Variants in DOP1B observed in about 807,000 individuals in gnomAD.
DOP1B encodes DOP1 leucine zipper like protein B.
A neutral mutation model predicts 233.5 loss-of-function variants in DOP1B; 174 were observed. The ratio of observed to expected loss-of-function variants is 0.75; its 90% CI spans 0.66 to 0.85. The LOEUF is 0.85. Ranked by LOEUF, DOP1B falls within the 40% of genes least tolerant of loss-of-function variation. The pLI, the probability that DOP1B is intolerant of heterozygous loss-of-function variation, is 0.00. For missense variants in DOP1B, 2,652 were observed against 2,846.6 expected, an observed-to-expected ratio of 0.93 and a Z score of 1.56; for synonymous variants, 1,190 against 1,185.6, an observed-to-expected ratio of 1.00 and a Z score of -0.08.
rs2066871969 is a variant in DOP1B, at chr21:36,239,794, C to T, written c.2906C>T (p.Ala969Val). The change falls in exon 18 of 37, where the codon GCC becomes GTC. Residue 969 changes from alanine to valine, a missense_variant. By Grantham distance (64) the Ala-to-Val change is moderately conservative. Around this residue, in one of 3 missense-constraint regions of DOP1B, gnomAD observed 2,617 missense variants for 2,794.3 expected, o/e 0.94. Transcript: ENST00000691173. ...TTGTTTGTCGTGCTGGACAGCCTGGCCTGCACGGATGGTGCCATCGGTGCG... is the reference window on the plus strand; with the variant it reads ...TTGTTTGTCGTGCTGGACAGCCTGGTCTGCACGGATGGTGCCATCGGTGCG... ...RSLFVVLDSLACTDGAIGAAA... is the reference protein window; with the variant it reads ...RSLFVVLDSLVCTDGAIGAAA... The T allele has an allele frequency of 6.4e-7, 1 of 1,555,122 alleles. No individual in the cohort carries two copies. The highest frequency in any genetic ancestry group is 8.7e-7 in the Non-Finnish European group (1 of 1,150,076).
intron 1 of DOP1B, among the ~76,000 whole-genome samples, chr21:36,158,058 T>G (rs887928747): frequency 6.6e-6 from 1 of 152,066 alleles, no homozygotes; most frequent in Admixed American, 6.6e-5. Context: ...CTCGGCCTCT[T>G]AAAGTGCTGG....
chr21:36,257,242 T>G (rs2067109698), intron 23 of DOP1B, among the ~76,000 whole-genome samples: 1 of 152,222 alleles, frequency 6.6e-6, no homozygotes, highest in African/African-American at 2.4e-5. Flanking sequence ...TGCTCTGCTC[T>G]CTGGAAGCTC....
At chr21:36,239,977 C>T (rs749507966) in intron 18 of DOP1B, 22 bp downstream of exon 18, 60 of 1,593,090 alleles carry the variant, frequency 3.8e-5, no homozygotes, top group Middle Eastern at 2.3e-4. Flanking sequence ...GCACAGGACC[C>T]GAGGGTGAGG....
intron 2 of DOP1B, chr21:36,169,171 C>T (rs543106755): frequency 1.9e-6 from 2 of 1,025,702 alleles, no homozygotes; most frequent in African/African-American, 1.6e-5. Flanking sequence ...TGGTTCCCAC[C>T]ACACAGCCTT....
chr21:36,166,354 G>A (rs935315465), intron 2 of DOP1B, among the ~76,000 whole-genome samples: 2 of 151,768 alleles, frequency 1.3e-5, no homozygotes, highest in Non-Finnish European at 2.9e-5. Context: ...GGAGAATGGC[G>A]TGAACCAGGG....
At chr21:36,201,802 A>G (rs1168488385) in intron 4 of DOP1B, among the ~76,000 whole-genome samples, 1 of 151,884 alleles carries the variant, frequency 6.6e-6, no homozygotes, top group Non-Finnish European at 1.5e-5. Context: ...AATCTATAGC[A>G]CTCATATGCA....
intron 21 of DOP1B, among the ~76,000 whole-genome samples, chr21:36,250,502 T>G (rs1163972772): frequency 6.6e-6 from 1 of 152,120 alleles, no homozygotes; most frequent in Non-Finnish European, 1.5e-5. Context: ...CGGCATGGCT[T>G]AGCTGAGGCC....
intron 23 of DOP1B, among the ~76,000 whole-genome samples, chr21:36,257,181 G>C (rs1025490482): frequency 3.3e-5 from 5 of 152,128 alleles, no homozygotes; most frequent in African/African-American, 1.2e-4. Context: ...GCAAGGTATG[G>C]GGGAAGAGGT....
chr21:36,250,321 A>G (rs1360640306), intron 21 of DOP1B, among the ~76,000 whole-genome samples: 1 of 152,192 alleles, frequency 6.6e-6, no homozygotes, highest in African/African-American at 2.4e-5. Context: ...GCTGCCACGC[A>G]CCAGGCTCTC....
Position 36,245,686 on chromosome 21 carries a change from G to A in DOP1B, c.3706G>A (p.Asp1236Asn), listed in dbSNP as rs199832658. The A allele has an allele frequency of 3.1e-6, 5 of 1,613,662 alleles. No individual in the cohort carries two copies. The East Asian group carries it at 6.7e-5, about 22-fold the overall frequency. Residue 1236 changes from aspartate (D) to asparagine (N), a missense_variant, in exon 19 of 37, where the codon GAC (aspartate) becomes AAC (asparagine). By Grantham distance (23) the Asp-to-Asn change is conservative (BLOSUM62 1). Transcript: ENST00000691173. The surrounding 1 kb of genome is among the most constrained non-coding windows in gnomAD (Gnocchi z 5.5). ...KHILLYLQPY[D>N]SRRVLYAFSV... ...CATCCTGCTCTACCTGCAGCCCTACGACTCTCGGCGGGTCCTCTATGCCTT... is the reference window on the plus strand; with the variant it reads ...CATCCTGCTCTACCTGCAGCCCTACAACTCTCGGCGGGTCCTCTATGCCTT...
chr21:36,221,351 C>T (rs1460364186), intron 10 of DOP1B, among the ~76,000 whole-genome samples: 2 of 151,602 alleles, frequency 1.3e-5, no homozygotes, highest in Non-Finnish European at 2.9e-5. Context: ...AAAGGTTAGC[C>T]GGGTGTGGTG....
chr21:36,222,169 G>A (rs1330403186), intron 10 of DOP1B, among the ~76,000 whole-genome samples: 1 of 151,816 alleles, frequency 6.6e-6, no homozygotes, highest in East Asian at 1.9e-4. Context: ...ACCACACCCG[G>A]CCTTTTTCAG....
At chr21:36,258,687 G>A (rs967264828) in intron 23 of DOP1B, among the ~76,000 whole-genome samples, 5 of 152,266 alleles carry the variant, frequency 3.3e-5, no homozygotes, top group African/African-American at 1.2e-4. Context: ...AGTGTTAATC[G>A]ACAATGCTCT....
intron 10 of DOP1B, among the ~76,000 whole-genome samples, chr21:36,222,636 A>C (rs940138836): frequency 1.3e-5 from 2 of 152,150 alleles, no homozygotes; most frequent in Non-Finnish European, 2.9e-5. Context: ...TTCCCTGCTG[A>C]ATATCCATGT....
intron 17 of DOP1B, among the ~76,000 whole-genome samples, chr21:36,239,265 G>C (rs2245397): frequency 0.22 from 33,454 of 152,132 alleles, 4,672 homozygotes; most frequent in East Asian, 0.39. Context: ...GGGATCACCT[G>C]TGCAGCTTTT....
chr21:36,275,831 G>T (rs1326771835), intron 27 of DOP1B, among the ~76,000 whole-genome samples: 1 of 152,120 alleles, frequency 6.6e-6, no homozygotes, highest in East Asian at 1.9e-4. Context: ...TTCTAGGTGA[G>T]TCCTTCCGAG....
chr21:36,164,999 T>C (rs1454070403), intron 2 of DOP1B, 128 bp downstream of exon 2: 1 of 752,272 alleles, frequency 1.3e-6, no homozygotes, highest in East Asian at 4.2e-5. Context: ...TATTATACAG[T>C]ATAATCTTTA....
At chr21:36,180,862 TCAGA>T (rs1481594304) in intron 2 of DOP1B, among the ~76,000 whole-genome samples, 8 of 151,322 alleles carry the variant, frequency 5.3e-5, no homozygotes, top group Non-Finnish European at 1.0e-4. Flanking sequence ...GCCTGGGTTG[TCAGA>T]CAGAGTGAGA....
intron 13 of DOP1B, among the ~76,000 whole-genome samples, chr21:36,229,861 C>T (rs1387878611): frequency 1.3e-5 from 2 of 151,552 alleles, no homozygotes; most frequent in Non-Finnish European, 2.9e-5. Flanking sequence ...TGGGGTTTCA[C>T]CATGTTGGCC....
Sources: gnomAD v4.1 joint callset for allele counts (sites outside exome capture counted in the v4.1 genomes callset) on GRCh38, gnomAD v4.1.1 for gene constraint, gnomAD v4.1.1 regional missense constraint, Gnocchi (gnomAD v3.1) non-coding constraint, MANE v1.5 for transcripts, NCBI Gene and HGNC (gene_info 2026-07-23, HGNC 2026-07-21) for gene names.